The following KIAA1549L variants were observed in gnomAD, a reference collection of about 807,000 sequenced individuals.
The protein encoded by KIAA1549L is UPF0606 protein KIAA1549L.
Under a neutral mutation model 160.7 loss-of-function variants are expected in KIAA1549L, and 88 were observed. The observed-to-expected ratio is 0.55, with a 90% CI of 0.46 to 0.65. KIAA1549L has a LOEUF of 0.65. Among genes scored for constraint, KIAA1549L ranks in the 30% least tolerant of loss-of-function variants. The pLI, the probability that KIAA1549L is intolerant of heterozygous loss-of-function variation, is 0.00. For missense variants in KIAA1549L, 2,258 were observed against 2,437.5 expected, an observed-to-expected ratio of 0.93 and a Z score of 1.55; for synonymous variants, 950 against 976.7, an observed-to-expected ratio of 0.97 and a Z score of 0.51.
intron 1 of KIAA1549L, among the ~76,000 whole-genome samples, chr11:33,472,664 G>C (rs1370070851): frequency 6.6e-6 from 1 of 152,172 alleles, no homozygotes; most frequent in East Asian, 1.9e-4. Context: ...TCAGACTGGA[G>C]AAGTCAGTAG....
intron 1 of KIAA1549L, among the ~76,000 whole-genome samples, chr11:33,529,373 A>T (rs1230994581): frequency 6.6e-6 from 1 of 152,154 alleles, no homozygotes; most frequent in East Asian, 1.9e-4. Flanking sequence ...TAGGCAAGAG[A>T]TGCAACTCAG....
At chr11:33,530,431 AAAAAAATATATATATATATATATATATAT>A (rs1162929465) in intron 1 of KIAA1549L, among the ~76,000 whole-genome samples, 796 of 12,888 alleles carry the variant, frequency 0.062, 77 homozygotes, top group African/African-American at 0.18. Flanking sequence ...AAAAAAAAAA[AAAAAAATATATATATATATATATATATAT>A]ATATATATAT....
chr11:33,543,337 C>T lies in KIAA1549L; in HGVS notation c.1774C>T (p.Leu592Phe). Residue 592 changes from leucine to phenylalanine, a missense_variant, in exon 2 of 21, where the codon CTT becomes TTT. Leu to Phe is a conservative substitution (Grantham distance 22, BLOSUM62 0). Around this residue, in one of 6 missense-constraint regions of KIAA1549L, gnomAD observed 540 missense variants for 465.7 expected, o/e 1.16. Coordinates refer to ENST00000658780, the MANE Select transcript of KIAA1549L (RefSeq NM_012194.3). The part of the protein sequence containing the change: ...QAFPRKEVLS[L>F]HTVNGFVSDF... The stretch of plus-strand genomic sequence containing the variant: ...CTTTCCAAGGAAAGAGGTTTTGAGT[C>T]TTCACACTGTAAATGGATTTGTCTC... 6.2e-7 allele frequency: 1 copy of T among 1,614,048 alleles called. No individual in the cohort carries two copies. Among genetic ancestry groups the T allele is most frequent in the Non-Finnish European group, 8.5e-7 (1 of 1,179,904 alleles).
chr11:33,621,046 G>A (rs556732480), intron 16 of KIAA1549L, among the ~76,000 whole-genome samples: 21 of 152,318 alleles, frequency 1.4e-4, no homozygotes, highest in African/African-American at 4.8e-4. Context: ...AGTCCTTTCT[G>A]CCAGGTTGGG....
intron 1 of KIAA1549L, among the ~76,000 whole-genome samples, chr11:33,505,362 A>G (rs1478147566): frequency 6.6e-6 from 1 of 152,222 alleles, no homozygotes; most frequent in Non-Finnish European, 1.5e-5. Context: ...ATGATGATTG[A>G]AAACTTTGCA....
intron 1 of KIAA1549L, among the ~76,000 whole-genome samples, chr11:33,415,792 C>T (rs185054724): frequency 1.8e-4 from 27 of 152,178 alleles, no homozygotes; most frequent in Non-Finnish European, 3.8e-4. Flanking sequence ...GATGACTTAT[C>T]AGCATTTATT....
At chr11:33,536,401 C>T (rs1040584720) in intron 1 of KIAA1549L, among the ~76,000 whole-genome samples, 7 of 152,198 alleles carry the variant, frequency 4.6e-5, no homozygotes, top group Admixed American at 1.3e-4. Flanking sequence ...TCTGGGCTGG[C>T]ATGCCAGGCA....
intron 12 of KIAA1549L, among the ~76,000 whole-genome samples, chr11:33,595,590 G>A (rs1225794568): frequency 6.6e-6 from 1 of 152,162 alleles, no homozygotes; most frequent in African/African-American, 2.4e-5. Context: ...CATTTCCAAA[G>A]CTGTAAGAGA....
At chr11:33,584,834 G>A (rs1387040587) in intron 11 of KIAA1549L, among the ~76,000 whole-genome samples, 1 of 152,190 alleles carries the variant, frequency 6.6e-6, no homozygotes, top group Non-Finnish European at 1.5e-5. Flanking sequence ...AGATTTGGCA[G>A]GTAGAATCCT....
intron 14 of KIAA1549L, among the ~76,000 whole-genome samples, chr11:33,608,830 C>CT: frequency 6.6e-6 from 1 of 152,338 alleles, no homozygotes; most frequent in Admixed American, 6.5e-5. Context: ...AATTTGCTGC[C>CT]TTGTGGAGCC....
intron 8 of KIAA1549L, 142 bp downstream of exon 8, chr11:33,561,877 A>G (rs993124189): frequency 7.8e-6 from 5 of 644,300 alleles, no homozygotes; most frequent in African/African-American, 1.8e-5. Context: ...ACAGGACCAG[A>G]AGTGAATGGG....
intron 2 of KIAA1549L, among the ~76,000 whole-genome samples, 154 bp from the exon 3 acceptor site, chr11:33,544,613 G>A (rs1241142675): frequency 1.3e-5 from 2 of 152,178 alleles, no homozygotes; most frequent in African/African-American, 4.8e-5. Context: ...AAGTTTATGA[G>A]CCTAGAGTTG....
At chr11:33,642,446 G>T (rs775048735) in intron 16 of KIAA1549L, among the ~76,000 whole-genome samples, 1 of 152,192 alleles carries the variant, frequency 6.6e-6, no homozygotes, top group Non-Finnish European at 1.5e-5. Flanking sequence ...AATGGTGAGC[G>T]CACACTTGGA....
Position 33,668,218 on chromosome 11 carries a change from GC to G in KIAA1549L, c.*66del. The G allele has an allele frequency of 6.7e-7, 1 of 1,491,700 alleles. No individual in the cohort carries two copies. The allele number at this position is 1,491,700 out of a possible 1,614,324, so 92.4% of individuals were successfully genotyped here. A position where few individuals can be genotyped will look rare whatever the true frequency, so the allele number is the denominator to read the frequency against. On this transcript the variant is annotated 3_prime_UTR_variant, in exon 21 of 21. Transcript: ENST00000658780. ...AGGACTCAGCCTTTGGGTTTCCCAT[GC>G]CTACGTGTTAGGACTTGAGACATAG...
intron 15 of KIAA1549L, among the ~76,000 whole-genome samples, chr11:33,617,873 G>C (rs1850858977): frequency 1.3e-5 from 2 of 151,556 alleles, no homozygotes; most frequent in South Asian, 4.2e-4. Context: ...GGACAGATGG[G>C]TAGGTAGGTG....
chr11:33,523,988 C>T (rs1003376262), intron 1 of KIAA1549L, among the ~76,000 whole-genome samples: 2 of 151,892 alleles, frequency 1.3e-5, no homozygotes, highest in Non-Finnish European at 2.9e-5. Context: ...TAACTCAGTA[C>T]TGGTTTCATA....
At chr11:33,528,155 C>T (rs895451857) in intron 1 of KIAA1549L, among the ~76,000 whole-genome samples, 8 of 152,102 alleles carry the variant, frequency 5.3e-5, no homozygotes, top group African/African-American at 1.9e-4. Context: ...TATAAATTAC[C>T]CACTCTCAGG....
chr11:33,460,340 T>G (rs570908386), intron 1 of KIAA1549L, among the ~76,000 whole-genome samples: 8 of 152,148 alleles, frequency 5.3e-5, no homozygotes, highest in Non-Finnish European at 1.0e-4. Flanking sequence ...ACATCCCTGA[T>G]TTTGAAGAAC....
chr11:33,416,873 A>G (rs1850899465), intron 1 of KIAA1549L, among the ~76,000 whole-genome samples: 1 of 152,206 alleles, frequency 6.6e-6, no homozygotes, highest in Non-Finnish European at 1.5e-5. Context: ...CAGCTGGATT[A>G]TGAGGCAATA....
Sources: gnomAD v4.1 joint callset for allele counts (sites outside exome capture counted in the v4.1 genomes callset) on GRCh38, gnomAD v4.1.1 for gene constraint, gnomAD v4.1.1 regional missense constraint, MANE v1.5 for transcripts, NCBI Gene and HGNC (gene_info 2026-07-23, HGNC 2026-07-21) for gene names.